The following CADPS variants were observed in gnomAD, a reference collection of about 807,000 sequenced individuals.
CADPS encodes the protein calcium dependent secretion activator, also known as calcium-dependent secretion activator 1.
In CADPS, 57 loss-of-function variants were observed where a neutral mutation model predicts 167.3. That is an observed-to-expected ratio of 0.34 (90% CI 0.28 to 0.42). The LOEUF (loss-of-function observed/expected upper bound fraction) is 0.42, where lower values mean the gene tolerates loss of function less well. CADPS is among the 20% of genes least tolerant of loss of function. The pLI is 1.00. For synonymous variants in CADPS, 676 were observed against 635.3 expected, an observed-to-expected ratio of 1.06 and a Z score of -0.96; for missense variants, 1,414 against 1,738.1, an observed-to-expected ratio of 0.81 and a Z score of 3.32.
chr3:62,701,469 C>T (rs768047335), intron 3 of CADPS, among the ~76,000 whole-genome samples: 1 of 151,914 alleles, frequency 6.6e-6, no homozygotes, highest in Non-Finnish European at 1.5e-5. Context: ...CAAAGTGATG[C>T]TTAGAAAAGA....
Position 62,874,833 on chromosome 3 carries a change from C to T in CADPS, c.197G>A (p.Gly66Asp). The T allele has an allele frequency of 5.8e-6, 6 of 1,030,710 alleles. No homozygotes were observed. The highest frequency in any genetic ancestry group is 5.9e-6 in the Non-Finnish European group (5 of 850,782). 63.8% of individuals were successfully genotyped at this position (1,030,710 alleles called of 1,614,324 possible). Residue 66 changes from glycine (G) to aspartate (D), a missense_variant, in exon 1 of 30, where the codon GGC (glycine) becomes GAC (aspartate). This residue lies in a region of CADPS where 522 missense variants were observed against 559.5 expected (regional missense o/e 0.93). Transcript: ENST00000383710. This position sits in a 1 kb window ranked among gnomAD's most constrained non-coding sequence, Gnocchi z 7.1. ...GAGVGAGGGG[G>D]SGASSGGGAG... is the part of the protein sequence containing the mutation. ...CCCGCCGCCGCTGCTCGCGCCGCTG[C>T]CCCCGCCGCCGCCTGCACCCACCCC...
chr3:62,817,784 T>C (rs503531), intron 1 of CADPS, among the ~76,000 whole-genome samples: 5,550 of 152,246 alleles, frequency 0.036, 342 homozygotes, highest in African/African-American at 0.13. Flanking sequence ...CTAGATAAAT[T>C]GGTACAATGT....
chr3:62,522,481 C>T (rs2070925938), intron 13 of CADPS, among the ~76,000 whole-genome samples: 1 of 152,104 alleles, frequency 6.6e-6, no homozygotes, highest in Admixed American at 6.5e-5. Flanking sequence ...CTCTAACATA[C>T]AGTAAGAACC....
At chr3:62,860,793 C>A (rs1202832242) in intron 1 of CADPS, among the ~76,000 whole-genome samples, 1 of 152,176 alleles carries the variant, frequency 6.6e-6, no homozygotes, top group Non-Finnish European at 1.5e-5. Context: ...TAACTCTAAC[C>A]ACTACATGTG....
chr3:62,550,430 A>T (rs112667632), intron 10 of CADPS, among the ~76,000 whole-genome samples: 2 of 152,096 alleles, frequency 1.3e-5, no homozygotes, highest in African/African-American at 4.8e-5. Context: ...CACAAACAAA[A>T]CAACAACAAA....
chr3:62,568,551 C>T (rs2080722126), intron 9 of CADPS, among the ~76,000 whole-genome samples: 1 of 152,186 alleles, frequency 6.6e-6, no homozygotes, highest in Non-Finnish European at 1.5e-5. Flanking sequence ...TTGCTGGGGG[C>T]TCTCAGGTCT....
At chr3:62,638,047 C>G (rs186460195) in intron 6 of CADPS, among the ~76,000 whole-genome samples, 3 of 149,328 alleles carry the variant, frequency 2.0e-5, no homozygotes, top group Admixed American at 1.3e-4. Flanking sequence ...GTCAATAGGA[C>G]TACTATCTGC....
At chr3:62,699,420 C>T (rs905703588) in intron 3 of CADPS, among the ~76,000 whole-genome samples, 4 of 152,028 alleles carry the variant, frequency 2.6e-5, no homozygotes, top group African/African-American at 9.7e-5. Context: ...TGGGTTCTCA[C>T]CCCCAGAGAT....
At chr3:62,413,328 T>C (rs2049342231) in intron 28 of CADPS, among the ~76,000 whole-genome samples, 1 of 152,126 alleles carries the variant, frequency 6.6e-6, no homozygotes, top group Non-Finnish European at 1.5e-5. Flanking sequence ...CACATTGATG[T>C]TCATAGCAGC....
intron 6 of CADPS, chr3:62,626,623 C>T: frequency 1.4e-6 from 1 of 698,530 alleles, no homozygotes; most frequent in South Asian, 1.5e-5. Flanking sequence ...ATTTGCTAAG[C>T]CTTTTTTGTT....
chr3:62,526,412 T>C (rs1271194552), intron 13 of CADPS, among the ~76,000 whole-genome samples: 5 of 152,166 alleles, frequency 3.3e-5, no homozygotes, highest in Non-Finnish European at 7.3e-5. Context: ...AGCACTGGCA[T>C]TCAAGAAATG....
rs2057174122 is a variant in CADPS at position 62,446,061 on chromosome 3, T to C, written c.3637-264A>G. ...GGAGCTTTACATTTTCCTCCCTCCCTCTGAAAAAAAGTAAAGTGACTAGCT... is the reference window on the plus strand; with the variant it reads ...GGAGCTTTACATTTTCCTCCCTCCCCCTGAAAAAAAGTAAAGTGACTAGCT... On this transcript the variant is annotated intron_variant, in intron 26 of 29. Coordinates refer to ENST00000383710, the MANE Select transcript of CADPS (RefSeq NM_003716.4). The surrounding 1 kb of genome is among the most constrained non-coding windows in gnomAD (Gnocchi z 4.9). Among the ~76,000 whole-genome samples, 1 of 152,148 alleles carries C rather than the reference T, an allele frequency of 6.6e-6. No individual in the cohort carries two copies.
intron 6 of CADPS, among the ~76,000 whole-genome samples, chr3:62,615,522 G>A (rs2062125172): frequency 6.6e-6 from 1 of 152,156 alleles, no homozygotes; most frequent in South Asian, 2.1e-4. Context: ...AATGAATGTT[G>A]ATTATTATGT....
intron 1 of CADPS, among the ~76,000 whole-genome samples, chr3:62,824,357 T>C (rs1272537729): frequency 1.3e-5 from 2 of 152,142 alleles, no homozygotes; most frequent in African/African-American, 2.4e-5. Context: ...ACAGATTTAA[T>C]AGCACCTTGA....
chr3:62,793,660 G>GT (rs1196518471), intron 1 of CADPS, among the ~76,000 whole-genome samples: 1 of 152,106 alleles, frequency 6.6e-6, no homozygotes, highest in Non-Finnish European at 1.5e-5. Flanking sequence ...TAATTAATCT[G>GT]TTTTTTAAGA....
At chr3:62,545,379 A>AT (rs1241379590) in intron 11 of CADPS, among the ~76,000 whole-genome samples, 1 of 152,108 alleles carries the variant, frequency 6.6e-6, no homozygotes, top group Non-Finnish European at 1.5e-5. Flanking sequence ...GATTGACATC[A>AT]TTTCCAAGGT....
chr3:62,516,671 C>T, intron 14 of CADPS, 28 bp from the exon 15 acceptor site: 1 of 1,541,068 alleles, frequency 6.5e-7, no homozygotes, highest in South Asian at 1.2e-5. Flanking sequence ...CTTCAGGTTG[C>T]CTAAATTATT....
intron 28 of CADPS, chr3:62,404,514 T>A (rs1707652282): frequency 6.6e-6 from 1 of 152,264 alleles, no homozygotes; most frequent in African/African-American, 2.4e-5. Flanking sequence ...ACTGCCAAGT[T>A]TCACCTTGCA....
chr3:62,410,992 C>A (rs1167094140), intron 28 of CADPS, among the ~76,000 whole-genome samples: 1 of 152,140 alleles, frequency 6.6e-6, no homozygotes, highest in Non-Finnish European at 1.5e-5. Flanking sequence ...GTAGTCCTAG[C>A]TACTCAGGAG....
Sources: gnomAD v4.1 joint callset for allele counts (sites outside exome capture counted in the v4.1 genomes callset) on GRCh38, gnomAD v4.1.1 for gene constraint, gnomAD v4.1.1 regional missense constraint, Gnocchi (gnomAD v3.1) non-coding constraint, MANE v1.5 for transcripts, NCBI Gene and HGNC (gene_info 2026-07-23, HGNC 2026-07-21) for gene names.